The following CARS2 variants were observed in gnomAD, a reference collection of about 807,000 sequenced individuals.
The protein encoded by CARS2 is probable cysteine--tRNA ligase, mitochondrial.
Under a neutral mutation model 68.8 loss-of-function variants are expected in CARS2, and 52 were observed. That is an observed-to-expected ratio of 0.76 (90% CI 0.61 to 0.95). CARS2 has a LOEUF of 0.95. CARS2 is among the 40% of genes least tolerant of loss of function. The pLI, the probability that CARS2 is intolerant of heterozygous loss-of-function variation, is 0.00. For synonymous variants in CARS2, 314 were observed against 303.6 expected (o/e 1.03, Z -0.36); for missense variants, 780 against 754.2 (o/e 1.03, Z -0.40).
chr13:110,642,763 C>A (rs766505370), intron 13 of CARS2: 2 of 736,522 alleles, frequency 2.7e-6, no homozygotes, highest in Non-Finnish European at 5.0e-6. Flanking sequence ...GATCCTCACT[C>A]GGGAGTTGGA....
In CARS2 at chr13:110,647,250, A is replaced by G. The variant is rs760463049; in HGVS notation, c.1055-11T>C. ...CACTGTAGTCGATGGCTGAGGAGGA[A>G]GAGATGGTCACTGAGGCGGTGCCCA... On this transcript the variant is annotated splice_polypyrimidine_tract_variant and intron_variant, in intron 10 of 14. Transcript: ENST00000257347. The G allele has an allele frequency of 1.9e-6, 3 of 1,610,266 alleles. No homozygotes were observed. The African/African-American group carries it at 4.0e-5, about 21-fold the overall frequency.
At chr13:110,701,332 G>A (rs2139927747) in intron 3 of CARS2, 106 bp downstream of exon 3, 1 of 654,984 alleles carries the variant, frequency 1.5e-6, no homozygotes, top group East Asian at 2.6e-5. Context: ...CCAAAGTGCT[G>A]GGATTACAGG....
intron 11 of CARS2, chr13:110,646,834 G>A (rs1888191127): frequency 2.4e-6 from 1 of 409,302 alleles, no homozygotes; most frequent in Non-Finnish European, 4.4e-6. Context: ...CCAGCACCCA[G>A]TGTCCTGTGG....
Position 110,665,025 on chromosome 13 carries a change from C to G in CARS2, c.920-1507G>C. The stretch of plus-strand genomic sequence containing the variant: ...TCTGCCCACTTAGCTCTTCCATCCA[C>G]TGGGTACAGGAGAACAGGTGTCACT... On this transcript the variant is annotated intron_variant, in intron 8 of 14. Coordinates refer to ENST00000257347, the MANE Select transcript of CARS2 (RefSeq NM_024537.4). The surrounding 1 kb of genome is among the most constrained non-coding windows in gnomAD (Gnocchi z 4.3). 1 of 985,456 alleles carries G rather than the reference C, an allele frequency of 1.0e-6. No individual in the cohort carries two copies. Among genetic ancestry groups the G allele is most frequent in the Non-Finnish European group, 1.2e-6 (1 of 829,932 alleles). 61.0% of individuals were successfully genotyped at this position (985,456 alleles called of 1,614,324 possible). A position where few individuals can be genotyped will look rare whatever the true frequency, so the allele number is the denominator to read the frequency against.
chr13:110,689,302 C>T (rs951771984), intron 3 of CARS2, among the ~76,000 whole-genome samples: 2 of 152,238 alleles, frequency 1.3e-5, no homozygotes, highest in South Asian at 2.1e-4. Flanking sequence ...CTAGTCTCTC[C>T]GAGCTGCTCC....
chr13:110,660,364 G>A (rs929931948), intron 9 of CARS2, among the ~76,000 whole-genome samples: 1 of 152,108 alleles, frequency 6.6e-6, no homozygotes, highest in African/African-American at 2.4e-5. Flanking sequence ...AATCATACAT[G>A]TTCTTACTGG....
chr13:110,690,042 C>G (rs919233258), intron 3 of CARS2, among the ~76,000 whole-genome samples: 17 of 152,096 alleles, frequency 1.1e-4, no homozygotes, highest in Non-Finnish European at 2.5e-4. Flanking sequence ...TCCTGGCTAA[C>G]ATGGTGAAAC....
At chr13:110,693,884 TG>T (rs1012514198) in intron 3 of CARS2, among the ~76,000 whole-genome samples, 2 of 152,132 alleles carry the variant, frequency 1.3e-5, no homozygotes, top group Non-Finnish European at 2.9e-5. Context: ...GCCCGCTGGC[TG>T]GGCCCTGTGT....
At chr13:110,692,307 T>C (rs1411515773) in intron 3 of CARS2, among the ~76,000 whole-genome samples, 1 of 151,590 alleles carries the variant, frequency 6.6e-6, no homozygotes. Flanking sequence ...CCGTCTCTAC[T>C]AAAAATACAG....
chr13:110,682,306 T>A (rs1256764054), intron 6 of CARS2, among the ~76,000 whole-genome samples: 15 of 152,244 alleles, frequency 9.9e-5, no homozygotes, highest in Admixed American at 9.8e-4. Flanking sequence ...CACGGCCTGC[T>A]GGTAGCCACG....
chr13:110,706,341 G>A (rs970527023), upstream of CARS2: 3 of 288,362 alleles, frequency 1.0e-5, no homozygotes, highest in Admixed American at 1.6e-4. Context: ...GGGCGGTGCC[G>A]CGCCGGGAGG....
At chr13:110,681,104 T>C (rs940087997) in intron 6 of CARS2, among the ~76,000 whole-genome samples, 1 of 152,228 alleles carries the variant, frequency 6.6e-6, no homozygotes, top group African/African-American at 2.4e-5. Context: ...GGGGTCTCAC[T>C]ACATTGCCCA....
chr13:110,691,851 A>G (rs2063468049), intron 3 of CARS2, among the ~76,000 whole-genome samples: 1 of 151,808 alleles, frequency 6.6e-6, no homozygotes, highest in South Asian at 2.1e-4. Context: ...TGCAGGGAGG[A>G]GTCCCGAGGG....
intron 9 of CARS2, among the ~76,000 whole-genome samples, chr13:110,655,463 A>C (rs534656315): frequency 6.6e-6 from 1 of 152,320 alleles, no homozygotes; most frequent in Admixed American, 6.5e-5. Flanking sequence ...AACCAACTCC[A>C]TATGGTAGAA....
intron 12 of CARS2, chr13:110,644,710 G>T: frequency 1.5e-6 from 1 of 647,056 alleles, no homozygotes; most frequent in Non-Finnish European, 2.4e-6. Flanking sequence ...CATCAGTCAT[G>T]TGGGTGGTGA....
At chr13:110,662,899 C>T (rs2062547137) in intron 9 of CARS2, 1 of 413,870 alleles carries the variant, frequency 2.4e-6, no homozygotes, top group Non-Finnish European at 4.9e-6. Context: ...TAAAGACAGG[C>T]CAGAAGACAA....
At chr13:110,706,165 A>G, upstream of CARS2, 1 of 1,113,862 alleles carries the variant, frequency 9.0e-7, no homozygotes, top group East Asian at 3.8e-5. Flanking sequence ...GCTCAAGAGC[A>G]GCACGGCCCC....
chr13:110,646,230 A>T, intron 11 of CARS2, 140 bp from the exon 12 acceptor site: 1 of 931,724 alleles, frequency 1.1e-6, no homozygotes, highest in South Asian at 1.9e-5. Context: ...CAAAGACTTG[A>T]GTTCCTGAGT....
At position 110,665,111 on chromosome 13, in the gene CARS2, CTGG is replaced by C; in HGVS notation, c.920-1596_920-1594del. 1.0e-6 allele frequency: 1 copy of C among 985,374 alleles called. No homozygotes were observed. The highest frequency in any genetic ancestry group is 1.2e-6 in the Non-Finnish European group (1 of 829,926). 61.0% of individuals were successfully genotyped at this position (985,374 alleles called of 1,614,324 possible). A position where few individuals can be genotyped will look rare whatever the true frequency, so the allele number is the denominator to read the frequency against. On this transcript the variant is annotated intron_variant, in intron 8 of 14. Transcript: ENST00000257347. The surrounding 1 kb of genome is among the most constrained non-coding windows in gnomAD (Gnocchi z 4.3). The stretch of plus-strand genomic sequence containing the variant: ...GGCCAAACTAGTATGAAAAAGATCG[CTGG>C]TATCTTAACAGGTAGTAAAAAATCA...
Sources: allele counts gnomAD v4.1 joint callset (sites outside exome capture counted in the v4.1 genomes callset), GRCh38; gene constraint gnomAD v4.1.1; non-coding constraint Gnocchi (gnomAD v3.1); transcripts MANE v1.5; gene names NCBI Gene and HGNC (gene_info 2026-07-23, HGNC 2026-07-21).